Variants in GCH1 observed in about 807,000 individuals in gnomAD.
GCH1 encodes GTP cyclohydrolase 1.
GCH1 carries 5 observed loss-of-function variants against 25.9 expected under a neutral mutation model. The observed-to-expected ratio is 0.19, with a 90% CI of 0.10 to 0.41. The LOEUF (loss-of-function observed/expected upper bound fraction) is 0.41, where lower values mean the gene tolerates loss of function less well. Ranked by LOEUF, GCH1 falls within the 10% of genes least tolerant of loss-of-function variation. GCH1 has a pLI of 1.00. For missense variants in GCH1, 261 were observed against 336.5 expected (o/e 0.78, Z 1.75); for synonymous variants, 159 against 129.6 (o/e 1.23, Z -1.54).
intron 2 of GCH1, among the ~76,000 whole-genome samples, chr14:54,864,019 C>T (rs1018255326): frequency 1.3e-5 from 2 of 152,058 alleles, no homozygotes; most frequent in African/African-American, 4.8e-5. Flanking sequence ...CCACCATGCC[C>T]AGGTAATTTT....
At position 54,850,461 on chromosome 14, in the gene GCH1, C is replaced by T. The variant is rs569469042; in HGVS notation, c.510-3331G>A. 5.3e-4 allele frequency among the ~76,000 whole-genome samples: 81 copies of T among 151,696 alleles called. 1 individual carries two copies. Among genetic ancestry groups the T allele is most frequent in the South Asian group, 4.2e-3 (20 of 4,800 alleles). On this transcript the variant is annotated intron_variant, in intron 3 of 5. Coordinates refer to ENST00000491895, the MANE Select transcript of GCH1 (RefSeq NM_000161.3). ...CCAAGTAGCTGGGATTAGCGGCACC[C>T]GCCACCACATCCAGCTAATTTGTTT... is the stretch of plus-strand genomic sequence containing the variant.
intron 5 of GCH1, 89 bp from the exon 6 acceptor site, chr14:54,844,232 TCA>T: frequency 1.2e-6 from 1 of 856,464 alleles, no homozygotes; most frequent in Non-Finnish European, 2.0e-6. Flanking sequence ...AAATCTCAGC[TCA>T]CAGTTACCAA....
At chr14:54,855,842 A>G (rs920628511) in intron 3 of GCH1, among the ~76,000 whole-genome samples, 1 of 152,222 alleles carries the variant, frequency 6.6e-6, no homozygotes, top group Admixed American at 6.5e-5. Context: ...ATAAAATTTT[A>G]AAAAGCAAGT....
intron 2 of GCH1, among the ~76,000 whole-genome samples, chr14:54,862,268 C>G (rs2039909664): frequency 6.6e-6 from 1 of 151,712 alleles, no homozygotes; most frequent in South Asian, 2.1e-4. Flanking sequence ...TGACCTGAAG[C>G]TATCCTCCCA....
chr14:54,844,944 G>A (rs1031068461), intron 5 of GCH1, among the ~76,000 whole-genome samples: 4 of 152,176 alleles, frequency 2.6e-5, no homozygotes, highest in African/African-American at 9.7e-5. Context: ...GGCTGAGGTG[G>A]GCAGATCACT....
intron 1 of GCH1, among the ~76,000 whole-genome samples, chr14:54,894,652 A>G (rs1054172694): frequency 2.0e-5 from 3 of 152,190 alleles, no homozygotes; most frequent in African/African-American, 7.2e-5. Context: ...AAAAGAAACT[A>G]TTAGGATTGG....
intron 1 of GCH1, among the ~76,000 whole-genome samples, chr14:54,883,706 A>G (rs965878398): frequency 6.6e-6 from 1 of 151,962 alleles, no homozygotes; most frequent in Non-Finnish European, 1.5e-5. Flanking sequence ...AAAAGAAAAG[A>G]GAGAAAACAG....
intron 1 of GCH1, among the ~76,000 whole-genome samples, chr14:54,901,509 C>T (rs1359039199): frequency 6.6e-6 from 1 of 152,150 alleles, no homozygotes; most frequent in African/African-American, 2.4e-5. Context: ...ACGCCTCAGA[C>T]GCTAACAGCA....
intron 3 of GCH1, among the ~76,000 whole-genome samples, chr14:54,855,119 TAATC>T (rs1159767834): frequency 8.5e-5 from 13 of 152,202 alleles, no homozygotes; most frequent in Non-Finnish European, 1.3e-4. Context: ...TGAATTGTAT[TAATC>T]AAAGAAATAT....
intron 3 of GCH1, among the ~76,000 whole-genome samples, chr14:54,858,742 T>A (rs892180316): frequency 2.0e-5 from 3 of 151,600 alleles, no homozygotes; most frequent in African/African-American, 7.3e-5. Context: ...CACACACACC[T>A]CCCAGTATTT....
intron 1 of GCH1, among the ~76,000 whole-genome samples, chr14:54,896,637 G>T (rs2040487063): frequency 6.6e-6 from 1 of 152,052 alleles, no homozygotes; most frequent in African/African-American, 2.4e-5. Flanking sequence ...TCTCGGCCGG[G>T]AGCGGTGGCT....
chr14:54,890,141 G>A (rs945390919), intron 1 of GCH1, among the ~76,000 whole-genome samples: 2 of 152,348 alleles, frequency 1.3e-5, no homozygotes, highest in Non-Finnish European at 2.9e-5. Context: ...GGTGGTATAT[G>A]TGTCAGAACT....
chr14:54,860,936 C>T (rs2140065899), intron 2 of GCH1, among the ~76,000 whole-genome samples: 1 of 152,294 alleles, frequency 6.6e-6, no homozygotes, highest in East Asian at 1.9e-4. Flanking sequence ...AATATACAGC[C>T]AGGCCATTTC....
chr14:54,849,212 G>A (rs950101170), intron 3 of GCH1, among the ~76,000 whole-genome samples: 1 of 152,176 alleles, frequency 6.6e-6, no homozygotes, highest in Non-Finnish European at 1.5e-5. Context: ...ATTATATGGT[G>A]AACATGCTCT....
chr14:54,857,723 G>T (rs1594981209), intron 3 of GCH1, among the ~76,000 whole-genome samples: 1 of 152,278 alleles, frequency 6.6e-6, no homozygotes, highest in South Asian at 2.1e-4. Flanking sequence ...CATGAAATTG[G>T]TTTAATACAT....
At chr14:54,888,552 G>A (rs1387117965) in intron 1 of GCH1, among the ~76,000 whole-genome samples, 8 of 149,786 alleles carry the variant, frequency 5.3e-5, no homozygotes, top group Middle Eastern at 3.4e-3. Context: ...TCACTCTGTC[G>A]CCCAGGCTGG....
intron 3 of GCH1, among the ~76,000 whole-genome samples, chr14:54,850,079 A>C (rs1188779216): frequency 6.6e-6 from 1 of 151,202 alleles, no homozygotes; most frequent in African/African-American, 2.4e-5. Flanking sequence ...CATTCAAGCA[A>C]TTCTCTACCT....
chr14:54,883,496 G>A (rs1469281797), intron 1 of GCH1, among the ~76,000 whole-genome samples: 1 of 151,604 alleles, frequency 6.6e-6, no homozygotes, highest in Non-Finnish European at 1.5e-5. Context: ...TGGCTAAGAC[G>A]GACAAAGTCC....
At chr14:54,847,383 GA>G (rs2039658561) in intron 3 of GCH1, among the ~76,000 whole-genome samples, 7 of 152,298 alleles carry the variant, frequency 4.6e-5, no homozygotes, top group Non-Finnish European at 8.8e-5. Context: ...ATTAACATTT[GA>G]GTCAGTGGGC....
Sources: gnomAD v4.1 joint callset for allele counts (sites outside exome capture counted in the v4.1 genomes callset) on GRCh38, gnomAD v4.1.1 for gene constraint, MANE v1.5 for transcripts, NCBI Gene and HGNC (gene_info 2026-07-23, HGNC 2026-07-21) for gene names.